Variants in EYA2 observed in about 807,000 individuals in gnomAD.
EYA2 encodes protein phosphatase EYA2.
Under a neutral mutation model 69.2 loss-of-function variants are expected in EYA2, and 31 were observed. The observed-to-expected ratio is 0.45, with a 90% CI of 0.34 to 0.60. EYA2 has a LOEUF of 0.60. Ranked by LOEUF, EYA2 falls within the 20% of genes least tolerant of loss-of-function variation. The pLI is 0.02. For synonymous variants in EYA2, 257 were observed against 279.4 expected, an observed-to-expected ratio of 0.92 and a Z score of 0.80; for missense variants, 622 against 701.2, an observed-to-expected ratio of 0.89 and a Z score of 1.28.
chr20:47,178,821 G>T (rs796491874), intron 12 of EYA2, among the ~76,000 whole-genome samples: 2 of 108,942 alleles, frequency 1.8e-5, no homozygotes, highest in Admixed American at 9.7e-5. Context: ...GGATGGGTGG[G>T]TGGGTGGATG....
intron 9 of EYA2, among the ~76,000 whole-genome samples, chr20:47,138,658 G>A (rs1049697971): frequency 6.6e-6 from 1 of 151,972 alleles, no homozygotes; most frequent in Admixed American, 6.6e-5. Context: ...TGGGGGCTGA[G>A]GCAGGAGGAT....
At chr20:46,915,804 C>T (rs557821918) in intron 1 of EYA2, among the ~76,000 whole-genome samples, 22 of 152,308 alleles carry the variant, frequency 1.4e-4, no homozygotes, top group African/African-American at 4.3e-4. Context: ...CTCCCTTTAG[C>T]CAGAGCATGT....
At chr20:47,134,162 A>G (rs780101091) in intron 9 of EYA2, among the ~76,000 whole-genome samples, 13 of 152,160 alleles carry the variant, frequency 8.5e-5, no homozygotes, top group Non-Finnish European at 1.8e-4. Flanking sequence ...CCAAGTAAAG[A>G]CCACCAGATA....
At chr20:46,997,117 C>T (rs921817663) in intron 2 of EYA2, among the ~76,000 whole-genome samples, 1 of 152,080 alleles carries the variant, frequency 6.6e-6, no homozygotes, top group Non-Finnish European at 1.5e-5. Flanking sequence ...GCTACAAAAG[C>T]CTTAAAGGTG....
intron 4 of EYA2, among the ~76,000 whole-genome samples, chr20:47,005,575 T>A (rs140215928): frequency 6.6e-6 from 1 of 152,254 alleles, no homozygotes; most frequent in East Asian, 1.9e-4. Context: ...TTGGCCCTCA[T>A]TGGCCCAAGT....
intron 1 of EYA2, among the ~76,000 whole-genome samples, chr20:46,938,612 A>G (rs1986021227): frequency 6.6e-6 from 1 of 152,150 alleles, no homozygotes. Flanking sequence ...GCTGCTCATG[A>G]CACATTGGCT....
intron 1 of EYA2, among the ~76,000 whole-genome samples, chr20:46,930,536 G>A (rs1297414316): frequency 2.0e-5 from 3 of 152,098 alleles, no homozygotes; most frequent in Non-Finnish European, 4.4e-5. Flanking sequence ...GAGAGGAAGA[G>A]GATGGGGGGA....
intron 10 of EYA2, chr20:47,160,890 G>T: frequency 4.3e-6 from 1 of 232,378 alleles, no homozygotes; most frequent in Non-Finnish European, 8.7e-6. Context: ...GACTCTGATG[G>T]GGTCTTGACA....
Position 47,035,559 on chromosome 20 carries a change from TCTC to T in EYA2, c.415+19266_415+19268del, listed in dbSNP as rs529254259. Among the ~76,000 whole-genome samples, 159 of 152,210 alleles carry T rather than the reference TCTC, an allele frequency of 1.0e-3. 1 individual carries two copies. Among genetic ancestry groups the T allele is most frequent in the Admixed American group, 4.6e-3 (71 of 15,292 alleles). On this transcript the variant is annotated intron_variant, in intron 5 of 15. Transcript: ENST00000327619. ...ATGTCTCTCCAGCGTGCACCTCTGT[TCTC>T]CTCTCTCTAATGGCAGCTTGGGACC...
At chr20:47,167,956 C>G (rs957888117) in intron 10 of EYA2, among the ~76,000 whole-genome samples, 1 of 152,148 alleles carries the variant, frequency 6.6e-6, no homozygotes, top group Non-Finnish European at 1.5e-5. Flanking sequence ...CATGGCATCC[C>G]CCTCTCCAGC....
chr20:47,016,162 T>TC lies in EYA2; in HGVS notation c.299-14dup, dbSNP rs778937707. 11 of 1,581,236 alleles carry TC rather than the reference T, an allele frequency of 7.0e-6. No individual in the cohort carries two copies. The East Asian group carries it at 1.1e-4, about 16-fold the overall frequency. ...ATCATGTGTCCTTGGTCCTTTTTTT[T>TC]CCCCCTCTTCCTTCAAAGGCATCAA... On this transcript the variant is annotated intron_variant, in intron 4 of 15. Transcript: ENST00000327619.
intron 1 of EYA2, among the ~76,000 whole-genome samples, chr20:46,985,944 G>A (rs1981153598): frequency 6.6e-6 from 1 of 152,080 alleles, no homozygotes; most frequent in African/African-American, 2.4e-5. Context: ...TACTCTCATA[G>A]CATCTGGATA....
intron 5 of EYA2, among the ~76,000 whole-genome samples, chr20:47,070,318 T>C (rs1166496789): frequency 6.6e-6 from 1 of 152,218 alleles, no homozygotes; most frequent in Non-Finnish European, 1.5e-5. Flanking sequence ...CCATTAGTCA[T>C]TGGAGAAATG....
intron 9 of EYA2, among the ~76,000 whole-genome samples, chr20:47,106,397 G>C (rs1459755398): frequency 6.6e-6 from 1 of 152,204 alleles, no homozygotes; most frequent in Admixed American, 6.5e-5. Context: ...CACACAGCAT[G>C]CATGAAATAG....
In EYA2 at chr20:46,924,538, CG is replaced by C. The variant is rs1473817105; in HGVS notation, c.-11+29554del. On this transcript the variant is annotated intron_variant, in intron 1 of 15. Transcript: ENST00000327619. ...ACAAAAAATTAGCCAGGCGTGGTGG[CG>C]GGCGCCTGTAGTCCCAGCTACTCAG... Among the ~76,000 whole-genome samples the C allele has an allele frequency of 2.6e-5, 4 of 151,934 alleles. No homozygotes were observed. The East Asian group carries it at 7.7e-4, about 29-fold the overall frequency.
chr20:47,184,592 A>ATT (rs11472093), intron 15 of EYA2, among the ~76,000 whole-genome samples: 74,573 of 145,650 alleles, frequency 0.51, 19,579 homozygotes, highest in African/African-American at 0.66. Context: ...AATTTTTTGT[A>ATT]TTTTTTTTTT....
At chr20:47,119,032 T>C (rs1213264612) in intron 9 of EYA2, among the ~76,000 whole-genome samples, 1 of 152,228 alleles carries the variant, frequency 6.6e-6, no homozygotes, top group African/African-American at 2.4e-5. Flanking sequence ...CTCACGATGA[T>C]AAGTGCTGAA....
At position 47,023,375 on chromosome 20, in the gene EYA2, C is replaced by A. The variant is rs149734421; in HGVS notation, c.415+7078C>A. Among the ~76,000 whole-genome samples the A allele has an allele frequency of 4.1e-4, 63 of 152,126 alleles. 1 individual carries two copies. Among genetic ancestry groups the A allele is most frequent in the African/African-American group, 1.5e-3 (61 of 41,496 alleles). On this transcript the variant is annotated intron_variant, in intron 5 of 15. Transcript: ENST00000327619. ...CTATCACTGTTGTTGTTGTTACGTG[C>A]CTTGATGTAGTTTTCTTTATGATTC... is the stretch of plus-strand genomic sequence containing the variant.
At chr20:46,905,820 G>A (rs1984324920) in intron 1 of EYA2, among the ~76,000 whole-genome samples, 1 of 152,116 alleles carries the variant, frequency 6.6e-6, no homozygotes, top group Non-Finnish European at 1.5e-5. Flanking sequence ...TTTGTTATAC[G>A]ACTTAAATAA....
Sources: gnomAD v4.1 joint callset for allele counts (sites outside exome capture counted in the v4.1 genomes callset) on GRCh38, gnomAD v4.1.1 for gene constraint, MANE v1.5 for transcripts, NCBI Gene and HGNC (gene_info 2026-07-23, HGNC 2026-07-21) for gene names.